The following MKKS variants were observed in gnomAD, a reference collection of about 807,000 sequenced individuals.
MKKS encodes MKKS centrosomal shuttling protein.
Under a neutral mutation model 33.2 loss-of-function variants are expected in MKKS, and 29 were observed. The observed-to-expected ratio is 0.87, with a 90% CI of 0.65 to 1.19. The LOEUF is 1.19. MKKS is among the 50% of genes most tolerant of loss of function. The probability of loss-of-function intolerance (pLI) is 0.00; values close to 1 mark genes in which losing one functional copy is unlikely to be tolerated. For synonymous variants in MKKS, 260 were observed against 244.0 expected (o/e 1.07, Z -0.61); for missense variants, 661 against 662.3 (o/e 1.00, Z 0.02).
chr20:10,403,176 C>G lies in MKKS; in HGVS notation c.*2071G>C, dbSNP rs1180230365. 1 of 152,228 alleles carries G rather than the reference C, an allele frequency of 6.6e-6. No homozygotes were observed. Among genetic ancestry groups the G allele is most frequent in the East Asian group, 1.9e-4 (1 of 5,188 alleles). The allele number at this position is 152,228 out of a possible 1,614,324, so 9.4% of individuals were successfully genotyped here. ...ATGTGGGCCTCCCCAGGGGGCAGTT[C>G]CCAACATGACAGCTGGCTTCCATTG... On this transcript the variant is annotated 3_prime_UTR_variant, in exon 6 of 6. Transcript: ENST00000347364.
chr20:10,416,617 G>A (rs112675579), intron 2 of MKKS, among the ~76,000 whole-genome samples: 34 of 152,230 alleles, frequency 2.2e-4, no homozygotes, highest in African/African-American at 7.5e-4. Flanking sequence ...GGAATTACAG[G>A]GATAAAACAT....
chr20:10,423,309 C>T (rs753158187), intron 1 of MKKS, among the ~76,000 whole-genome samples: 29 of 151,978 alleles, frequency 1.9e-4, no homozygotes, highest in Non-Finnish European at 2.8e-4. Context: ...GTTCTAGCTG[C>T]GTGGGGGGTG....
At chr20:10,428,983 C>T (rs897715198) in intron 1 of MKKS, among the ~76,000 whole-genome samples, 1 of 152,188 alleles carries the variant, frequency 6.6e-6, no homozygotes, top group African/African-American at 2.4e-5. Context: ...TCCAACCTTC[C>T]ACTCTTAAGG....
In MKKS at chr20:10,413,195, T is replaced by C. The variant is rs768772248; in HGVS notation, c.320A>G (p.Gln107Arg). 15 of 1,614,196 alleles carry C rather than the reference T, an allele frequency of 9.3e-6. 1 individual carries two copies. In the South Asian group the frequency reaches 1.2e-4, roughly 13 times the overall value. The change falls in exon 3 of 6, where the codon CAG becomes CGG. Residue 107 changes from glutamine (Q) to arginine (R), a missense_variant. Physicochemically the swap from Gln to Arg is conservative, Grantham distance 43 (BLOSUM62 1). Coordinates refer to ENST00000347364, the MANE Select transcript of MKKS (RefSeq NM_170784.3). ...AGTGGTGGGTGTCAAGCCTAATCTC[T>C]GAACATTTTCAATCAGGTTGCAGCA... ...ILCCNLIENV[Q>R]RLGLTPTTVI...
chr20:10,413,395 T>C lies in MKKS; in HGVS notation c.120A>G (p.Ser40=). The stretch of plus-strand genomic sequence containing the variant: ...CATTGTGCAGCTGCTTCAGCCTACC[T>C]GAGGGGCCATAGCATGATGTTACAA... ...KRIVTSCYGP[S]GRLKQLHNGF... The change falls in exon 3 of 6, where the codon TCA becomes TCG. Residue 40 remains serine, a synonymous_variant. Coordinates refer to ENST00000347364, the MANE Select transcript of MKKS (RefSeq NM_170784.3). 1 of 1,612,974 alleles carries C rather than the reference T, an allele frequency of 6.2e-7. No homozygotes were observed. Among genetic ancestry groups the C allele is most frequent in the Non-Finnish European group, 8.5e-7 (1 of 1,178,938 alleles).
At position 10,408,719 on chromosome 20, in the gene MKKS, G is replaced by A; in HGVS notation, c.1070C>T (p.Ser357Phe). Reference protein sequence around the residue: ...VKDVCTAKFGSKHFFHLIPNE... With the variant: ...VKDVCTAKFGFKHFFHLIPNE... The stretch of plus-strand genomic sequence containing the variant: ...AGGAATAAGATGAAAAAAATGTTTG[G>A]AGCCAAATTTTGCAGTGCACACATC... Residue 357 changes from serine (S) to phenylalanine (F), a missense_variant, in exon 4 of 6, where the codon TCC (serine) becomes TTC (phenylalanine). By Grantham distance (155) the Ser-to-Phe change is radical. Coordinates refer to ENST00000347364, the MANE Select transcript of MKKS (RefSeq NM_170784.3). 1 of 1,613,930 alleles carries A rather than the reference G, an allele frequency of 6.2e-7. No homozygotes were observed. Among genetic ancestry groups the A allele is most frequent in the South Asian group, 1.1e-5 (1 of 91,068 alleles).
At chr20:10,423,719 A>C (rs185309041) in intron 1 of MKKS, among the ~76,000 whole-genome samples, 52 of 152,332 alleles carry the variant, frequency 3.4e-4, no homozygotes, top group Non-Finnish European at 6.2e-4. Context: ...TTTTATGTAT[A>C]TTGTGCTTAA....
Position 10,405,388 on chromosome 20 carries a change from G to A in MKKS, c.1572C>T (p.Ser524=), listed in dbSNP as rs2122219499. ...AGCCCACAGCTTCATGTGGAAGGCA[G>A]CTTTGTGGCACAAATGGACGACGTG... ...RSTRRPFVPQ[S]CLPHEAVGSA... is the part of the protein sequence containing the mutation. Residue 524 remains serine (S), a synonymous_variant, in exon 6 of 6, where the codon AGC becomes AGT. Transcript: ENST00000347364. 6.2e-7 allele frequency: 1 copy of A among 1,614,202 alleles called. No homozygotes were observed. The highest frequency in any genetic ancestry group is 1.3e-5 in the African/African-American group (1 of 75,060).
At chr20:10,432,867 T>C (rs573029035) in intron 1 of MKKS, among the ~76,000 whole-genome samples, 1 of 148,436 alleles carries the variant, frequency 6.7e-6, no homozygotes. Flanking sequence ...CCTTAAATAA[T>C]CTCTAGGCTA....
Position 10,405,686 on chromosome 20 carries a change from G to A in MKKS, c.1274C>T (p.Thr425Ile), listed in dbSNP as rs951838467. 1.6e-5 allele frequency: 26 copies of A among 1,611,160 alleles called. No individual in the cohort carries two copies. Among genetic ancestry groups the A allele is most frequent in the Non-Finnish European group, 2.0e-5 (24 of 1,177,494 alleles). ...GAGAATGCTTTCTGGGTCGTTGTGA[G>A]TCTAAAGAGTAATAAAAACATTGAA... ...THLAAYIRHKTHNDPESILKD... is the reference protein window; with the variant it reads ...THLAAYIRHKIHNDPESILKD... Residue 425 changes from threonine (T) to isoleucine (I), a missense_variant and splice_region_variant, in exon 6 of 6, where the codon ACT (threonine) becomes ATT (isoleucine). Thr to Ile is a moderately conservative substitution (Grantham distance 89). Transcript: ENST00000347364.
At chr20:10,420,140 T>C (rs924304480) in intron 2 of MKKS, among the ~76,000 whole-genome samples, 1 of 152,088 alleles carries the variant, frequency 6.6e-6, no homozygotes, top group Non-Finnish European at 1.5e-5. Context: ...AAATAGTTGA[T>C]GTTAAGAAAT....
chr20:10,413,344 G>A lies in MKKS; in HGVS notation c.171C>T (p.Thr57=). 6.2e-7 allele frequency: 1 copy of A among 1,614,148 alleles called. No homozygotes were observed. Among genetic ancestry groups the A allele is most frequent in the South Asian group, 1.1e-5 (1 of 91,084 alleles). ...HNGFGGYVCT[T]SQSSALLSHL... is the part of the protein sequence containing the mutation. ...GACTGAGCAGAGCTGAGGACTGTGAGGTTGTACACACGTAACCTCCAAAGC... is the reference window on the plus strand; with the variant it reads ...GACTGAGCAGAGCTGAGGACTGTGAAGTTGTACACACGTAACCTCCAAAGC... The change falls in exon 3 of 6, where the codon ACC becomes ACT. Residue 57 remains threonine (T), a synonymous_variant. Transcript: ENST00000347364.
chr20:10,415,386 A>G (rs1033195650), intron 2 of MKKS, among the ~76,000 whole-genome samples: 13 of 152,202 alleles, frequency 8.5e-5, no homozygotes, highest in Admixed American at 4.6e-4. Context: ...AGGTGGGCAG[A>G]ACAAGGGAAT....
At chr20:10,410,693 C>T (rs1472257749) in intron 3 of MKKS, among the ~76,000 whole-genome samples, 3 of 152,096 alleles carry the variant, frequency 2.0e-5, no homozygotes, top group Non-Finnish European at 1.5e-5. Context: ...ACAGTAACAC[C>T]CACTACACAA....
At chr20:10,432,984 C>T (rs917569141) in intron 1 of MKKS, among the ~76,000 whole-genome samples, 24 of 152,128 alleles carry the variant, frequency 1.6e-4, no homozygotes, top group African/African-American at 5.8e-4. Context: ...ACAGATGTAA[C>T]CATCTTTTTT....
chr20:10,413,333 G>T lies in MKKS; in HGVS notation c.182C>A (p.Ser61Ter), dbSNP rs771934394. 1 of 1,614,186 alleles carries T rather than the reference G, an allele frequency of 6.2e-7. No homozygotes were observed. The highest frequency in any genetic ancestry group is 1.7e-5 in the Admixed American group (1 of 60,024). The change falls in exon 3 of 6, where the codon TCA becomes TAA. Residue 61 changes from serine to a stop codon, truncating the protein, a stop_gained. Coordinates refer to ENST00000347364, the MANE Select transcript of MKKS (RefSeq NM_170784.3). LOFTEE classifies it high-confidence loss of function. ...GGYVCTTSQS[S>*]ALLSHLLVTH... Reference sequence around the variant, plus strand: ...GACCAAAAGGTGACTGAGCAGAGCTGAGGACTGTGAGGTTGTACACACGTA... The same window carrying T: ...GACCAAAAGGTGACTGAGCAGAGCTTAGGACTGTGAGGTTGTACACACGTA...
intron 5 of MKKS, among the ~76,000 whole-genome samples, chr20:10,406,071 C>A (rs750433199): frequency 7.2e-5 from 11 of 151,898 alleles, no homozygotes; most frequent in Admixed American, 3.3e-4. Context: ...GACTGATGTC[C>A]CAAATGGAGT....
intron 1 of MKKS, among the ~76,000 whole-genome samples, chr20:10,429,130 T>C (rs1160344594): frequency 1.3e-5 from 2 of 152,198 alleles, no homozygotes; most frequent in Non-Finnish European, 2.9e-5. Flanking sequence ...ATGCATCTTT[T>C]CCTAGTCACT....
intron 4 of MKKS, among the ~76,000 whole-genome samples, chr20:10,408,350 A>T (rs2064857548): frequency 6.6e-6 from 1 of 152,208 alleles, no homozygotes; most frequent in Non-Finnish European, 1.5e-5. Context: ...CATTACCATC[A>T]AAGACTACAC....
Sources: allele counts gnomAD v4.1 joint callset (sites outside exome capture counted in the v4.1 genomes callset), GRCh38; gene constraint gnomAD v4.1.1; transcripts MANE v1.5; gene names NCBI Gene and HGNC (gene_info 2026-07-23, HGNC 2026-07-21).